The following LRP1B variants were observed in gnomAD, a reference collection of about 807,000 sequenced individuals.
LRP1B encodes low-density lipoprotein receptor-related protein 1B.
LRP1B carries 217 observed loss-of-function variants against 556.6 expected under a neutral mutation model. The ratio of observed to expected loss-of-function variants is 0.39; its 90% CI spans 0.35 to 0.44. LRP1B has a LOEUF of 0.44. Among genes scored for constraint, LRP1B ranks in the 20% least tolerant of loss-of-function variants. LRP1B has a pLI of 1.00. For synonymous variants in LRP1B, 2,047 were observed against 1,865.8 expected (o/e 1.10, Z -2.50); for missense variants, 5,053 against 5,620.8 (o/e 0.90, Z 3.23).
chr2:141,761,560 G>A (rs988770278), intron 2 of LRP1B, among the ~76,000 whole-genome samples: 2 of 152,060 alleles, frequency 1.3e-5, no homozygotes, highest in African/African-American at 4.8e-5. Context: ...CTTGAGATGT[G>A]CTATTAGAAA....
At chr2:141,350,670 GA>G (rs1688412609) in intron 3 of LRP1B, among the ~76,000 whole-genome samples, 1 of 151,992 alleles carries the variant, frequency 6.6e-6, no homozygotes, top group Admixed American at 6.6e-5. Flanking sequence ...GAAGTAAATT[GA>G]GGCTTTCATA....
In LRP1B at chr2:140,251,888, C is replaced by T. The variant is rs545668451; in HGVS notation, c.13248-4726G>A. ...TATAGTGAAGAAAATCAGAAAAACACAAAGTTACTTGCAAAATACTTTTTT... is the reference window on the plus strand; with the variant it reads ...TATAGTGAAGAAAATCAGAAAAACATAAAGTTACTTGCAAAATACTTTTTT... On this transcript the variant is annotated intron_variant, in intron 86 of 90. Coordinates refer to ENST00000389484, the MANE Select transcript of LRP1B (RefSeq NM_018557.3). Among the ~76,000 whole-genome samples, 8 of 151,122 alleles carry T rather than the reference C, an allele frequency of 5.3e-5. No homozygotes were observed. In the South Asian group the frequency reaches 8.4e-4, roughly 16 times the overall value.
intron 2 of LRP1B, among the ~76,000 whole-genome samples, chr2:141,481,789 A>C (rs1291143219): frequency 1.3e-5 from 2 of 152,182 alleles, no homozygotes; most frequent in Non-Finnish European, 2.9e-5. Flanking sequence ...TGAGCAAGCT[A>C]TATATCAAGT....
chr2:141,598,364 C>T (rs530232019), intron 2 of LRP1B, among the ~76,000 whole-genome samples: 1 of 152,040 alleles, frequency 6.6e-6, no homozygotes, highest in African/African-American at 2.4e-5. Context: ...AATAAAATGA[C>T]ATTAATTTTT....
chr2:140,455,589 G>T (rs922478583), intron 62 of LRP1B, among the ~76,000 whole-genome samples: 1 of 152,058 alleles, frequency 6.6e-6, no homozygotes. Flanking sequence ...CCCTGAAAAA[G>T]TTCTAATTGT....
At chr2:141,321,645 T>C (rs1159503756) in intron 3 of LRP1B, among the ~76,000 whole-genome samples, 1 of 151,978 alleles carries the variant, frequency 6.6e-6, no homozygotes, top group Admixed American at 6.6e-5. Context: ...AATCCAGCAA[T>C]AGATTACTGA....
chr2:141,850,656 G>GTGTGTGTGTA (rs56053446), intron 1 of LRP1B, among the ~76,000 whole-genome samples: 12 of 146,268 alleles, frequency 8.2e-5, no homozygotes, highest in Non-Finnish European at 1.8e-4. Flanking sequence ...GTGTGTGTGT[G>GTGTGTGTGTA]AGCATGTACA....
At chr2:141,010,668 C>A (rs1470001265) in intron 14 of LRP1B, among the ~76,000 whole-genome samples, 1 of 152,006 alleles carries the variant, frequency 6.6e-6, no homozygotes, top group Admixed American at 6.6e-5. Flanking sequence ...TCTCCTGCCA[C>A]CACCCCTGGC....
At chr2:141,401,261 T>C (rs138643216) in intron 3 of LRP1B, among the ~76,000 whole-genome samples, 2 of 152,344 alleles carry the variant, frequency 1.3e-5, no homozygotes, top group African/African-American at 2.4e-5. Context: ...CTAGCTATTA[T>C]GTAACACACA....
chr2:141,566,851 T>A (rs751780140), intron 2 of LRP1B, among the ~76,000 whole-genome samples: 1 of 151,944 alleles, frequency 6.6e-6, no homozygotes, highest in Non-Finnish European at 1.5e-5. Context: ...AGACTGAGAC[T>A]CCCATCTCTT....
Position 140,397,389 on chromosome 2 carries a change from C to A in LRP1B, c.10415-11380G>T, listed in dbSNP as rs534659849. Among the ~76,000 whole-genome samples the A allele has an allele frequency of 3.9e-5, 6 of 152,086 alleles. No homozygotes were observed. In the East Asian group the frequency reaches 1.2e-3, roughly 29 times the overall value. On this transcript the variant is annotated intron_variant, in intron 66 of 90. Coordinates refer to ENST00000389484, the MANE Select transcript of LRP1B (RefSeq NM_018557.3). ...ACAGGCTCCAGTGTGTGTTGTTCCC[C>A]TCCCTGTGTCCATGTGTTCATTTTA...
intron 11 of LRP1B, among the ~76,000 whole-genome samples, chr2:141,044,632 AAAG>A (rs1239823314): frequency 3.3e-5 from 5 of 152,014 alleles, no homozygotes; most frequent in African/African-American, 9.7e-5. Context: ...ACACTTCTCA[AAAG>A]AAGACATTTA....
chr2:140,301,243 AT>A (rs1370888224), intron 83 of LRP1B, among the ~76,000 whole-genome samples: 1 of 152,004 alleles, frequency 6.6e-6, no homozygotes, highest in Admixed American at 6.6e-5. Flanking sequence ...CAAAAAGCAA[AT>A]CTAATATCTG....
intron 18 of LRP1B, among the ~76,000 whole-genome samples, chr2:140,977,159 G>A (rs1696625691): frequency 6.6e-6 from 1 of 152,122 alleles, no homozygotes; most frequent in Non-Finnish European, 1.5e-5. Context: ...GTTGTGAAAG[G>A]GACCCAGTGG....
intron 2 of LRP1B, among the ~76,000 whole-genome samples, chr2:141,544,310 C>CTTCTTCTTCTTCTTCTTCTTCTTCTTCTT (rs1685399354): frequency 1.4e-3 from 27 of 19,154 alleles, no homozygotes; most frequent in Middle Eastern, 0.029. Flanking sequence ...TCTTCTTCTT[C>CTTCTTCTTCTTCTTCTTCTTCTTCTTCTT]TTCTTCTTCT....
intron 7 of LRP1B, among the ~76,000 whole-genome samples, chr2:141,180,261 C>T (rs1680932867): frequency 6.6e-6 from 1 of 151,392 alleles, no homozygotes; most frequent in South Asian, 2.1e-4. Flanking sequence ...TGATCACAAC[C>T]TGAGTGATAC....
rs2105086369 is a variant in LRP1B at position 140,335,680 on chromosome 2, G to C, written c.12051C>G (p.Asn4017Lys). ...SINVGQLNGP[N>K]CTRLLTNMAG... is the part of the protein sequence containing the mutation. ...CCATATTTGTTAAGAGTCTGGTGCA[G>C]TTGGGGCCATTCAGCTGCCCTACGT... is the stretch of plus-strand genomic sequence containing the variant. Residue 4017 changes from asparagine (N) to lysine (K), a missense_variant, in exon 78 of 91, where the codon AAC (asparagine) becomes AAG (lysine). By Grantham distance (94) the Asn-to-Lys change is moderately conservative. This residue lies in a region of LRP1B where 599 missense variants were observed against 648.4 expected (regional missense o/e 0.92). Transcript: ENST00000389484. The C allele has an allele frequency of 6.2e-7, 1 of 1,612,858 alleles. No individual in the cohort carries two copies. The highest frequency in any genetic ancestry group is 8.5e-7 in the Non-Finnish European group (1 of 1,179,160).
intron 2 of LRP1B, among the ~76,000 whole-genome samples, chr2:141,500,719 C>T (rs1484797258): frequency 6.6e-6 from 1 of 152,064 alleles, no homozygotes; most frequent in Non-Finnish European, 1.5e-5. Flanking sequence ...GCAGTTTTTT[C>T]ATCCATATAG....
intron 41 of LRP1B, among the ~76,000 whole-genome samples, chr2:140,630,657 G>C (rs938760970): frequency 6.6e-6 from 1 of 152,116 alleles, no homozygotes; most frequent in Non-Finnish European, 1.5e-5. Flanking sequence ...CGTTCTCACA[G>C]TGAAGAATTA....
Sources: gnomAD v4.1 joint callset for allele counts (sites outside exome capture counted in the v4.1 genomes callset) on GRCh38, gnomAD v4.1.1 for gene constraint, gnomAD v4.1.1 regional missense constraint, MANE v1.5 for transcripts, NCBI Gene and HGNC (gene_info 2026-07-23, HGNC 2026-07-21) for gene names.